The following KCNIP4 variants were observed in gnomAD, a reference collection of about 807,000 sequenced individuals.
KCNIP4 encodes the protein potassium voltage-gated channel interacting protein 4, also known as Kv channel-interacting protein 4.
KCNIP4 carries 12 observed loss-of-function variants against 34.0 expected under a neutral mutation model. The observed-to-expected ratio is 0.35, with a 90% CI of 0.23 to 0.57. The LOEUF (loss-of-function observed/expected upper bound fraction) is 0.57. Among genes scored for constraint, KCNIP4 ranks in the 20% least tolerant of loss-of-function variants. KCNIP4 has a pLI of 0.83. For missense variants in KCNIP4, 238 were observed against 311.7 expected (o/e 0.76, Z 1.78); for synonymous variants, 124 against 102.2 (o/e 1.21, Z -1.29).
chr4:21,834,167 G>A (rs1043734530), intron 1 of KCNIP4, among the ~76,000 whole-genome samples: 13 of 152,080 alleles, frequency 8.5e-5, no homozygotes, highest in South Asian at 4.1e-4. Context: ...CATTGAATCT[G>A]TAAATTACCT....
At chr4:21,533,914 G>A (rs1736931578) in intron 1 of KCNIP4, among the ~76,000 whole-genome samples, 1 of 152,106 alleles carries the variant, frequency 6.6e-6, no homozygotes, top group African/African-American at 2.4e-5. Context: ...AGGATAGATG[G>A]TTCCTGTAGA....
intron 1 of KCNIP4, among the ~76,000 whole-genome samples, chr4:21,777,008 A>T (rs1370270122): frequency 6.6e-6 from 1 of 152,074 alleles, no homozygotes. Context: ...CCTGACTTCA[A>T]GTGATCTGCC....
intron 1 of KCNIP4, among the ~76,000 whole-genome samples, chr4:21,256,020 A>G (rs761619081): frequency 6.6e-6 from 1 of 151,862 alleles, no homozygotes; most frequent in Non-Finnish European, 1.5e-5. Flanking sequence ...ATAGCAGGCT[A>G]GATAACATCA....
At chr4:21,553,296 C>T (rs1259039359) in intron 1 of KCNIP4, among the ~76,000 whole-genome samples, 2 of 152,086 alleles carry the variant, frequency 1.3e-5, no homozygotes, top group African/African-American at 2.4e-5. Context: ...TGTTAATCTC[C>T]GTTCCGTAAA....
rs116629615 is a variant in KCNIP4, at chr4:21,941,127, G to A, written c.61+7444C>T. Among the ~76,000 whole-genome samples, 1,123 of 152,232 alleles carry A rather than the reference G, an allele frequency of 7.4e-3. 7 individuals carry two copies. Among genetic ancestry groups the A allele is most frequent in the Non-Finnish European group, 0.012 (807 of 68,004 alleles). ...AAACCCCTGGCAGAATATCTATTTG[G>A]AGATGTAGATCGGTTTAAGAGCTAC... On this transcript the variant is annotated intron_variant, in intron 1 of 8. Coordinates refer to ENST00000382152, the MANE Select transcript of KCNIP4 (RefSeq NM_025221.6).
rs1469996577 is a variant in KCNIP4, at chr4:20,927,019, C to T, written c.62-44310G>A. 8.5e-5 allele frequency among the ~76,000 whole-genome samples: 13 copies of T among 152,098 alleles called. No homozygotes were observed. In the East Asian group the frequency reaches 1.7e-3, roughly 20 times the overall value. ...GATGGAGTCTCGAGTCTCGCTCTATCGCCCAGGCTGGAGTGCAGGTGTGAT... is the reference window on the plus strand; with the variant it reads ...GATGGAGTCTCGAGTCTCGCTCTATTGCCCAGGCTGGAGTGCAGGTGTGAT... On this transcript the variant is annotated intron_variant, in intron 1 of 8. Coordinates refer to ENST00000382152, the MANE Select transcript of KCNIP4 (RefSeq NM_025221.6).
chr4:21,813,886 G>A (rs1259107492), intron 1 of KCNIP4, among the ~76,000 whole-genome samples: 2 of 152,120 alleles, frequency 1.3e-5, no homozygotes, highest in Admixed American at 6.6e-5. Context: ...GCCAGTTTCT[G>A]CATAAAGGTA....
At chr4:20,834,574 G>A (rs547881777) in intron 3 of KCNIP4, among the ~76,000 whole-genome samples, 1 of 152,312 alleles carries the variant, frequency 6.6e-6, no homozygotes, top group Non-Finnish European at 1.5e-5. Flanking sequence ...GAACCAAAAG[G>A]TCCTCAGACC....
chr4:21,546,677 A>G (rs1313629381), intron 1 of KCNIP4, among the ~76,000 whole-genome samples: 3 of 152,120 alleles, frequency 2.0e-5, no homozygotes, highest in Non-Finnish European at 4.4e-5. Context: ...TCTTCCTTCC[A>G]TGATAAGTTG....
At chr4:21,540,610 T>C (rs1176806935) in intron 1 of KCNIP4, among the ~76,000 whole-genome samples, 1 of 152,166 alleles carries the variant, frequency 6.6e-6, no homozygotes, top group Admixed American at 6.5e-5. Flanking sequence ...ATCTTACTCT[T>C]AAACATGTAC....
intron 3 of KCNIP4, among the ~76,000 whole-genome samples, chr4:20,798,866 A>C (rs912842991): frequency 1.3e-5 from 2 of 152,122 alleles, no homozygotes; most frequent in Non-Finnish European, 2.9e-5. Flanking sequence ...AGCTCCCTAG[A>C]GTCACATGCT....
At chr4:21,217,866 TGA>T (rs1253654429) in intron 1 of KCNIP4, among the ~76,000 whole-genome samples, 1 of 152,038 alleles carries the variant, frequency 6.6e-6, no homozygotes, top group African/African-American at 2.4e-5. Context: ...GTATAGCCCA[TGA>T]GAGAAAAGGA....
chr4:21,849,139 AT>A (rs1393715490), intron 1 of KCNIP4: 1 of 152,138 alleles, frequency 6.6e-6, no homozygotes, highest in Non-Finnish European at 1.5e-5. Flanking sequence ...GAAAATATTC[AT>A]TTCTAATGAA....
At position 21,519,820 on chromosome 4, in the gene KCNIP4, TAC is replaced by T. The variant is rs574221060; in HGVS notation, c.61+428749_61+428750del. 2.4e-4 allele frequency among the ~76,000 whole-genome samples: 35 copies of T among 145,142 alleles called. 1 individual carries two copies. The highest frequency in any genetic ancestry group is 1.0e-3 in the East Asian group (5 of 4,922). ...ATACACGTGTGTGTATGTGTGTGTA[TAC>T]ACACGTGTGTGTATGTGTGTGTATA... On this transcript the variant is annotated intron_variant, in intron 1 of 8. Transcript: ENST00000382152.
intron 1 of KCNIP4, among the ~76,000 whole-genome samples, chr4:20,906,889 T>C (rs549276771): frequency 8.9e-4 from 136 of 152,280 alleles, no homozygotes; most frequent in African/African-American, 3.2e-3. Flanking sequence ...AACCATTCAA[T>C]AGAGACAGAG....
chr4:21,611,971 A>T (rs1692115728), intron 1 of KCNIP4, among the ~76,000 whole-genome samples: 1 of 152,188 alleles, frequency 6.6e-6, no homozygotes, highest in Admixed American at 6.5e-5. Flanking sequence ...TTTCTCAATG[A>T]TTTAACTTTT....
At chr4:21,130,650 G>C (rs1021769260) in intron 1 of KCNIP4, among the ~76,000 whole-genome samples, 4 of 152,178 alleles carry the variant, frequency 2.6e-5, no homozygotes, top group African/African-American at 4.8e-5. Flanking sequence ...GGTTGAGAAA[G>C]GAATTCTTAA....
Position 21,393,304 on chromosome 4 carries a change from A to T in KCNIP4, c.62-510595T>A, listed in dbSNP as rs183534640. On this transcript the variant is annotated intron_variant, in intron 1 of 8. Coordinates refer to ENST00000382152, the MANE Select transcript of KCNIP4 (RefSeq NM_025221.6). Reference sequence around the variant, plus strand: ...ATTTTTTTGCTTCCCTTAAGAGAAGATCTAGAAGTTTTTTTTTCAATGAAT... The same window carrying T: ...ATTTTTTTGCTTCCCTTAAGAGAAGTTCTAGAAGTTTTTTTTTCAATGAAT... 3.4e-3 allele frequency among the ~76,000 whole-genome samples: 501 copies of T among 145,622 alleles called. 6 individuals carry two copies. In the Middle Eastern group the frequency reaches 0.041, roughly 12 times the overall value.
chr4:21,064,648 G>A (rs1332313647), intron 1 of KCNIP4, among the ~76,000 whole-genome samples: 1 of 152,080 alleles, frequency 6.6e-6, no homozygotes, highest in East Asian at 1.9e-4. Flanking sequence ...ATATAGAAGG[G>A]AAATAAATAA....
Sources: allele counts gnomAD v4.1 joint callset (sites outside exome capture counted in the v4.1 genomes callset), GRCh38; gene constraint gnomAD v4.1.1; transcripts MANE v1.5; gene names NCBI Gene and HGNC (gene_info 2026-07-23, HGNC 2026-07-21).